KAZN: variants seen among roughly 807,000 people sequenced by gnomAD.
KAZN encodes kazrin, periplakin interacting protein.
KAZN carries 40 observed loss-of-function variants against 87.4 expected under a neutral mutation model. The observed-to-expected ratio is 0.46, with a 90% CI of 0.36 to 0.60. The LOEUF (loss-of-function observed/expected upper bound fraction) is 0.60, where lower values mean the gene tolerates loss of function less well. Among genes scored for constraint, KAZN ranks in the 20% least tolerant of loss-of-function variants. The pLI, the probability that KAZN is intolerant of heterozygous loss-of-function variation, is 0.00. For missense variants in KAZN, 898 were observed against 1,073.9 expected (o/e 0.84, Z 2.29); for synonymous variants, 466 against 458.3 (o/e 1.02, Z -0.22).
At chr1:14,314,627 A>C (rs978745348) in intron 2 of KAZN, among the ~76,000 whole-genome samples, 1 of 152,054 alleles carries the variant, frequency 6.6e-6, no homozygotes, top group African/African-American at 2.4e-5. Context: ...ACATGACATC[A>C]TTCTTTCATT....
At chr1:14,283,023 C>T (rs568308554) in intron 2 of KAZN, among the ~76,000 whole-genome samples, 17 of 152,260 alleles carry the variant, frequency 1.1e-4, no homozygotes, top group African/African-American at 3.6e-4. Context: ...GGGTGACTAA[C>T]AGAATGGAAG....
At chr1:15,007,314 C>G (rs1393749790) in intron 2 of KAZN, among the ~76,000 whole-genome samples, 1 of 152,202 alleles carries the variant, frequency 6.6e-6, no homozygotes, top group Non-Finnish European at 1.5e-5. Context: ...CATTTATCAC[C>G]AGTGAGCTGC....
intron 2 of KAZN, among the ~76,000 whole-genome samples, chr1:14,450,403 A>G (rs1667208216): frequency 6.6e-6 from 1 of 152,176 alleles, no homozygotes; most frequent in Non-Finnish European, 1.5e-5. Flanking sequence ...AGCCTGGCCA[A>G]CATGGTGAAA....
Position 14,212,196 on chromosome 1 carries a change from A to G in KAZN, c.249+31604A>G, listed in dbSNP as rs1646867519. ...CCAGTGCCTGGCACGGGTTATGCAG[A>G]CGGTTGGCATCATCCCCTGCTAGGA... On this transcript the variant is annotated intron_variant, in intron 2 of 16. Coordinates refer to the KAZN transcript ENST00000636203. Among the ~76,000 whole-genome samples, 3 of 152,194 alleles carry G rather than the reference A, an allele frequency of 2.0e-5. No homozygotes were observed. The South Asian group carries it at 6.2e-4, about 32-fold the overall frequency.
At chr1:14,904,563 GGCA>G (rs1656294959) in intron 1 of KAZN, among the ~76,000 whole-genome samples, 1 of 152,182 alleles carries the variant, frequency 6.6e-6, no homozygotes, top group African/African-American at 2.4e-5. Context: ...ACGCACTCCA[GGCA>G]GCAGCACAGA....
chr1:14,125,328 C>T (rs1462969355), intron 1 of KAZN, among the ~76,000 whole-genome samples: 4 of 152,116 alleles, frequency 2.6e-5, no homozygotes, highest in African/African-American at 7.2e-5. Flanking sequence ...CAATGGTGGC[C>T]CCCAGAAAGA....
At chr1:14,175,517 A>C (rs1402700194) in intron 1 of KAZN, among the ~76,000 whole-genome samples, 1 of 152,216 alleles carries the variant, frequency 6.6e-6, no homozygotes, top group African/African-American at 2.4e-5. Context: ...TGTGTTTAGA[A>C]CAAAGCGAAA....
chr1:14,339,627 TG>T (rs1407946848), intron 2 of KAZN, among the ~76,000 whole-genome samples: 2 of 152,154 alleles, frequency 1.3e-5, no homozygotes, highest in Non-Finnish European at 2.9e-5. Flanking sequence ...CTTTTATGTG[TG>T]GGGGGAAGTC....
intron 2 of KAZN, among the ~76,000 whole-genome samples, chr1:14,500,252 G>A (rs1274140832): frequency 1.3e-5 from 2 of 152,052 alleles, no homozygotes; most frequent in African/African-American, 4.8e-5. Context: ...CATATCCTAC[G>A]CTGGCATGTC....
Position 15,099,271 on chromosome 1 carries a change from T to C in KAZN, c.1548-2272T>C, listed in dbSNP as rs910922828. 3.3e-5 allele frequency among the ~76,000 whole-genome samples: 5 copies of C among 152,220 alleles called. No homozygotes were observed. The highest frequency in any genetic ancestry group is 1.2e-4 in the African/African-American group (5 of 41,456). ...GGAAGCATTCAATCAGTGTCTACTGTGCACGTAGACTGTGCTGTTTGGCAG... is the reference window on the plus strand; with the variant it reads ...GGAAGCATTCAATCAGTGTCTACTGCGCACGTAGACTGTGCTGTTTGGCAG... On this transcript the variant is annotated intron_variant, in intron 10 of 14. Transcript: ENST00000376030. The surrounding 1 kb of genome is among the most constrained non-coding windows in gnomAD (Gnocchi z 5.4).
chr1:14,458,260 A>T (rs2148344492), intron 2 of KAZN, among the ~76,000 whole-genome samples: 1 of 152,312 alleles, frequency 6.6e-6, no homozygotes, highest in Middle Eastern at 3.4e-3. Flanking sequence ...AGTTTATCAT[A>T]TTTCTAGCAA....
chr1:14,595,076 A>G (rs1361991511), upstream of KAZN, among the ~76,000 whole-genome samples: 2 of 151,928 alleles, frequency 1.3e-5, no homozygotes, highest in Non-Finnish European at 2.9e-5. Flanking sequence ...CCCGGGAGGC[A>G]GAGGTTGCAG....
chr1:14,434,549 C>T (rs555399596), intron 2 of KAZN, among the ~76,000 whole-genome samples: 6 of 152,322 alleles, frequency 3.9e-5, no homozygotes, highest in Non-Finnish European at 7.3e-5. Flanking sequence ...GTCAATTAGA[C>T]GATGCAGCAG....
intron 2 of KAZN, among the ~76,000 whole-genome samples, chr1:14,286,699 T>C (rs1192104638): frequency 6.6e-6 from 1 of 152,170 alleles, no homozygotes. Context: ...TTTGTAGACA[T>C]ACCCAGGTCC....
At chr1:14,081,353 G>A (rs1643667657) in intron 1 of KAZN, among the ~76,000 whole-genome samples, 1 of 152,022 alleles carries the variant, frequency 6.6e-6, no homozygotes, top group Admixed American at 6.6e-5. Flanking sequence ...TGGGACACAG[G>A]AGAGCTGACT....
intron 1 of KAZN, among the ~76,000 whole-genome samples, chr1:13,895,599 C>T (rs951846002): frequency 6.6e-6 from 1 of 152,104 alleles, no homozygotes; most frequent in African/African-American, 2.4e-5. Context: ...TCAATTAGGA[C>T]GCGAAAGGGA....
At chr1:14,698,519 G>A (rs1641743807) in intron 1 of KAZN, among the ~76,000 whole-genome samples, 1 of 152,198 alleles carries the variant, frequency 6.6e-6, no homozygotes, top group Non-Finnish European at 1.5e-5. Flanking sequence ...CTCCCATGTG[G>A]GCCTTCAGCA....
intron 2 of KAZN, among the ~76,000 whole-genome samples, chr1:14,308,764 G>A (rs554220707): frequency 4.4e-5 from 5 of 114,248 alleles, no homozygotes; most frequent in Non-Finnish European, 1.0e-4. Context: ...CTAGAACCTC[G>A]TGCCTCATAA....
chr1:14,627,060 T>A (rs1679196211), intron 1 of KAZN, among the ~76,000 whole-genome samples: 1 of 151,894 alleles, frequency 6.6e-6, no homozygotes. Context: ...GGCCCTGGGA[T>A]AAAGCAGTGA....
Sources: allele counts gnomAD v4.1 joint callset (sites outside exome capture counted in the v4.1 genomes callset), GRCh38; gene constraint gnomAD v4.1.1; non-coding constraint Gnocchi (gnomAD v3.1); transcripts MANE v1.5; gene names NCBI Gene and HGNC (gene_info 2026-07-23, HGNC 2026-07-21).